The following MINK1 variants were observed in gnomAD, a reference collection of about 807,000 sequenced individuals.
MINK1 encodes misshapen-like kinase 1.
Under a neutral mutation model 178.4 loss-of-function variants are expected in MINK1, and 46 were observed. The observed-to-expected ratio is 0.26, with a 90% CI of 0.20 to 0.33. The LOEUF is 0.33. Among genes scored for constraint, MINK1 ranks in the 10% least tolerant of loss-of-function variants. The pLI, the probability that MINK1 is intolerant of heterozygous loss-of-function variation, is 1.00. For synonymous variants in MINK1, 797 were observed against 709.7 expected, an observed-to-expected ratio of 1.12 and a Z score of -1.96; for missense variants, 1,366 against 1,814.9, an observed-to-expected ratio of 0.75 and a Z score of 4.49.
chr17:4,836,073 A>T lies in MINK1; in HGVS notation c.57+2433A>T, dbSNP rs1386635133. Among the ~76,000 whole-genome samples, 2 of 151,914 alleles carry T rather than the reference A, an allele frequency of 1.3e-5. No homozygotes were observed. Among genetic ancestry groups the T allele is most frequent in the African/African-American group, 4.8e-5 (2 of 41,362 alleles). On this transcript the variant is annotated intron_variant, in intron 1 of 31. Coordinates refer to ENST00000355280, the MANE Select transcript of MINK1 (RefSeq NM_153827.5). The surrounding 1 kb of genome is among the most constrained non-coding windows in gnomAD (Gnocchi z 4.3). ...TCTCAGTGCCTGTCCCCCTGACTCCACCTCAGAGAGCTGTGGCACTGTCAA... is the reference window on the plus strand; with the variant it reads ...TCTCAGTGCCTGTCCCCCTGACTCCTCCTCAGAGAGCTGTGGCACTGTCAA...
At position 4,885,961 on chromosome 17, in the gene MINK1, C is replaced by A. The variant is rs200816806; in HGVS notation, c.690C>A (p.Ala230=). 88 of 1,613,748 alleles carry A rather than the reference C, an allele frequency of 5.5e-5. No homozygotes were observed. The African/African-American group carries it at 9.9e-4, about 18-fold the overall frequency. ...CAGCCATCGAGATGGCAGAGGGAGC[C>A]CCCCGTAAGTTCTGAGTCTGCCGGG... The part of the protein sequence containing the change: ...GITAIEMAEG[A]PPLCDMHPMR... Residue 230 remains alanine (A), a synonymous_variant, in exon 8 of 32, where the codon GCC becomes GCA. Coordinates refer to ENST00000355280, the MANE Select transcript of MINK1 (RefSeq NM_153827.5). The surrounding 1 kb of genome is among the most constrained non-coding windows in gnomAD (Gnocchi z 5.0).
chr17:4,846,835 C>G (rs1911111560), intron 1 of MINK1, among the ~76,000 whole-genome samples: 2 of 152,188 alleles, frequency 1.3e-5, no homozygotes, highest in South Asian at 4.1e-4. Context: ...AGGCTCGGCC[C>G]CATCTTACAT....
Position 4,893,281 on chromosome 17 carries a change from C to T in MINK1, c.2401-153C>T, listed in dbSNP as rs1237091715. ...GGCTCTTTCTTCCCCTGCGGCCCCT[C>T]CCAGAGCTATAAGCGAGCAATTGGT... On this transcript the variant is annotated intron_variant, in intron 20 of 31. Transcript: ENST00000355280. The T allele has an allele frequency of 2.5e-6, 4 of 1,613,798 alleles. No homozygotes were observed. The Admixed American group carries it at 6.7e-5, about 27-fold the overall frequency.
chr17:4,871,594 G>A (rs1282067863), intron 1 of MINK1, among the ~76,000 whole-genome samples: 1 of 152,018 alleles, frequency 6.6e-6, no homozygotes, highest in Non-Finnish European at 1.5e-5. Context: ...ATATTTGGGT[G>A]GTTTCTACTT....
intron 1 of MINK1, among the ~76,000 whole-genome samples, chr17:4,843,119 A>G (rs1434494933): frequency 2.0e-5 from 3 of 152,166 alleles, no homozygotes; most frequent in Non-Finnish European, 2.9e-5. Flanking sequence ...CATTCCTCAC[A>G]GTGGAAACTA....
Position 4,864,816 on chromosome 17 carries a change from C to T in MINK1, c.58-13501C>T, listed in dbSNP as rs190366593. Among the ~76,000 whole-genome samples the T allele has an allele frequency of 1.8e-4, 27 of 152,254 alleles. 1 individual carries two copies. In the East Asian group the frequency reaches 4.8e-3, roughly 27 times the overall value. On this transcript the variant is annotated intron_variant, in intron 1 of 31. Transcript: ENST00000355280. ...CTCCTAAAGTGGTAAAGATCAGGACCGGAAGGATGGGGCAGATTACAGCAC... is the reference window on the plus strand; with the variant it reads ...CTCCTAAAGTGGTAAAGATCAGGACTGGAAGGATGGGGCAGATTACAGCAC...
intron 1 of MINK1, chr17:4,875,438 G>T: frequency 2.2e-6 from 1 of 452,668 alleles, no homozygotes; most frequent in African/African-American, 2.0e-5. Flanking sequence ...TCATGCCACC[G>T]CACTCCCACC....
Position 4,896,961 on chromosome 17 carries a change from T to G in MINK1, c.3915+148T>G, listed in dbSNP as rs1969580893. ...TCAGAGGGCAGTCAGCCACTACCACTGCCCTGCGCTCCCTTCAGATTCCGA... is the reference window on the plus strand; with the variant it reads ...TCAGAGGGCAGTCAGCCACTACCACGGCCCTGCGCTCCCTTCAGATTCCGA... On this transcript the variant is annotated intron_variant, in intron 31 of 31. Transcript: ENST00000355280. This position sits in a 1 kb window ranked among gnomAD's most constrained non-coding sequence, Gnocchi z 4.6. 1.2e-5 allele frequency: 13 copies of G among 1,124,592 alleles called. No homozygotes were observed. In the South Asian group the frequency reaches 2.2e-4, roughly 19 times the overall value. The allele number at this position is 1,124,592 out of a possible 1,614,324, so 69.7% of individuals were successfully genotyped here. A position where few individuals can be genotyped will look rare whatever the true frequency, so the allele number is the denominator to read the frequency against.
rs1479147744 is a variant in MINK1 at position 4,895,918 on chromosome 17, T to C, written c.3365-85T>C. The C allele has an allele frequency of 6.4e-7, 1 of 1,572,600 alleles. No homozygotes were observed. Among genetic ancestry groups the C allele is most frequent in the Non-Finnish European group, 8.6e-7 (1 of 1,158,218 alleles). On this transcript the variant is annotated intron_variant, in intron 27 of 31. Transcript: ENST00000355280. This position sits in a 1 kb window ranked among gnomAD's most constrained non-coding sequence, Gnocchi z 4.3. ...GGGAGCCAGGGACTTGGGGCCTGGG[T>C]GGGGCAGTGTAGTGACAGACCACGG...
Position 4,896,819 on chromosome 17 carries a change from A to C in MINK1, c.3915+6A>C. The C allele has an allele frequency of 6.4e-7, 1 of 1,552,666 alleles. No individual in the cohort carries two copies. The highest frequency in any genetic ancestry group is 8.7e-7 in the Non-Finnish European group (1 of 1,150,010). ...TGTGTGAGCGGAATGACAAGGTGGG[A>C]GGCTCCTTCCCTCTGAAAGCCCTGC... On this transcript the variant is annotated splice_donor_region_variant and intron_variant, in intron 31 of 31. Coordinates refer to ENST00000355280, the MANE Select transcript of MINK1 (RefSeq NM_153827.5). This position sits in a 1 kb window ranked among gnomAD's most constrained non-coding sequence, Gnocchi z 4.6.
chr17:4,893,348 C>T (rs374958119), intron 20 of MINK1, 86 bp from the exon 21 acceptor site: 16 of 1,613,056 alleles, frequency 9.9e-6, no homozygotes, highest in East Asian at 4.5e-5. Flanking sequence ...CCCCTCCTGT[C>T]GCCCTGCTGG....
chr17:4,883,632 C>T (rs1967925320), intron 4 of MINK1, among the ~76,000 whole-genome samples: 1 of 150,306 alleles, frequency 6.7e-6, no homozygotes, highest in Non-Finnish European at 1.5e-5. Context: ...TCCGGGTTCA[C>T]GCCGTTCTCC....
chr17:4,872,644 C>T (rs200929494), intron 1 of MINK1, among the ~76,000 whole-genome samples: 16 of 151,934 alleles, frequency 1.1e-4, no homozygotes, highest in Middle Eastern at 3.4e-3. Flanking sequence ...TGGTGGTGCG[C>T]GCCTGTAATC....
chr17:4,891,272 GACTC>G (rs1968786197), intron 15 of MINK1, 148 bp downstream of exon 15: 2 of 1,165,310 alleles, frequency 1.7e-6, no homozygotes, highest in Non-Finnish European at 2.4e-6. Context: ...TTTGTGGACA[GACTC>G]ACTCACCTGC....
chr17:4,844,472 C>T, intron 1 of MINK1: 2 of 458,488 alleles, frequency 4.4e-6, no homozygotes, highest in East Asian at 6.9e-5. Context: ...GAGATAGTTA[C>T]TGCCCTCCAG....
At chr17:4,861,030 T>G (rs1305591351) in intron 1 of MINK1, among the ~76,000 whole-genome samples, 1 of 152,194 alleles carries the variant, frequency 6.6e-6, no homozygotes, top group Admixed American at 6.6e-5. Context: ...TTCCTCAGCT[T>G]CTTCTGAAAA....
In MINK1 at chr17:4,887,649, G is replaced by T; in HGVS notation, c.1089G>T (p.Lys363Asn). 6.4e-7 allele frequency: 1 copy of T among 1,566,392 alleles called. No homozygotes were observed. The highest frequency in any genetic ancestry group is 8.6e-7 in the Non-Finnish European group (1 of 1,157,826). ...REFLRLQQEN[K>N]SNSEALKQQQ... ...TTCTCCGGCTCCAGCAGGAAAATAA[G>T]AGCAACTCAGAGGCTTTAAAACAGC... The change falls in exon 12 of 32, where the codon AAG becomes AAT. Residue 363 changes from lysine (K) to asparagine (N), a missense_variant. Around this residue, in one of 14 missense-constraint regions of MINK1, gnomAD observed 56 missense variants for 64.0 expected, o/e 0.87. Coordinates refer to ENST00000355280, the MANE Select transcript of MINK1 (RefSeq NM_153827.5). The surrounding 1 kb of genome is among the most constrained non-coding windows in gnomAD (Gnocchi z 7.6).
At chr17:4,890,768 C>G (rs983265788) in intron 14 of MINK1, 33 bp downstream of exon 14, 1 of 1,537,034 alleles carries the variant, frequency 6.5e-7, no homozygotes, top group East Asian at 2.5e-5. Flanking sequence ...CCTGAGACTG[C>G]AGTCCCACTG....
chr17:4,840,227 G>A (rs921358560), intron 1 of MINK1, among the ~76,000 whole-genome samples: 28 of 152,082 alleles, frequency 1.8e-4, no homozygotes, highest in African/African-American at 6.5e-4. Flanking sequence ...TGAACCAGCA[G>A]GTAGAGTTTG....
Sources: gnomAD v4.1 joint callset for allele counts (sites outside exome capture counted in the v4.1 genomes callset) on GRCh38, gnomAD v4.1.1 for gene constraint, gnomAD v4.1.1 regional missense constraint, Gnocchi (gnomAD v3.1) non-coding constraint, MANE v1.5 for transcripts, NCBI Gene and HGNC (gene_info 2026-07-23, HGNC 2026-07-21) for gene names.